RABGAP1L: variants seen among roughly 807,000 people sequenced by gnomAD.
RABGAP1L encodes rab GTPase-activating protein 1-like.
A neutral mutation model predicts 137.7 loss-of-function variants in RABGAP1L; 63 were observed. The observed-to-expected ratio is 0.46, with a 90% CI of 0.37 to 0.56. The LOEUF (loss-of-function observed/expected upper bound fraction) is 0.56, where lower values mean the gene tolerates loss of function less well. Ranked by LOEUF, RABGAP1L falls within the 20% of genes least tolerant of loss-of-function variation. RABGAP1L has a pLI of 0.00. For synonymous variants in RABGAP1L, 431 were observed against 433.7 expected (o/e 0.99, Z 0.08); for missense variants, 1,095 against 1,244.0 (o/e 0.88, Z 1.80).
chr1:174,615,785 G>T (rs921086538), intron 13 of RABGAP1L, among the ~76,000 whole-genome samples: 2 of 152,168 alleles, frequency 1.3e-5, no homozygotes, highest in Non-Finnish European at 2.9e-5. Context: ...GGCAATGGTG[G>T]GCGCCCCTCC....
At chr1:174,242,818 A>G (rs1216766926) in intron 5 of RABGAP1L, among the ~76,000 whole-genome samples, 2 of 152,180 alleles carry the variant, frequency 1.3e-5, no homozygotes, top group African/African-American at 4.8e-5. Context: ...GTGTATACTG[A>G]CTTCTTGTTC....
At chr1:174,812,067 G>A (rs934194992) in intron 19 of RABGAP1L, 107 bp downstream of exon 19, 30 of 1,074,308 alleles carry the variant, frequency 2.8e-5, no homozygotes, top group Non-Finnish European at 3.8e-5. Flanking sequence ...TTATGTTTAA[G>A]ATTAGATTGT....
intron 21 of RABGAP1L, among the ~76,000 whole-genome samples, chr1:174,975,240 A>C (rs1234686556): frequency 6.6e-6 from 1 of 152,230 alleles, no homozygotes; most frequent in African/African-American, 2.4e-5. Flanking sequence ...AATAAATCCC[A>C]TGTGTAAGTT....
chr1:174,488,025 T>G (rs939951729), intron 13 of RABGAP1L, among the ~76,000 whole-genome samples: 1 of 152,294 alleles, frequency 6.6e-6, no homozygotes, highest in African/African-American at 2.4e-5. Flanking sequence ...TTGGCTCATA[T>G]TTTAATCTTT....
intron 13 of RABGAP1L, among the ~76,000 whole-genome samples, chr1:174,623,379 A>G (rs762290897): frequency 3.7e-4 from 56 of 152,218 alleles, no homozygotes; most frequent in Non-Finnish European, 4.6e-4. Context: ...TTGTAAATTC[A>G]GGGAGTTACC....
chr1:174,448,274 A>T lies in RABGAP1L; in HGVS notation c.1710+54129A>T, dbSNP rs911538263. On this transcript the variant is annotated intron_variant, in intron 13 of 25. Coordinates refer to ENST00000681986, the MANE Select transcript of RABGAP1L (RefSeq NM_001366446.1). The surrounding 1 kb of genome is among the most constrained non-coding windows in gnomAD (Gnocchi z 4.2). ...TATTGTGTTGCTGACATTTCTGATC[A>T]TTGCTGGGAATCTAACAGTTATCTT... 5.0e-6 allele frequency: 8 copies of T among 1,613,566 alleles called. No homozygotes were observed. Among genetic ancestry groups the T allele is most frequent in the Non-Finnish European group, 5.9e-6 (7 of 1,179,628 alleles).
chr1:174,664,160 G>T (rs1676585007), intron 14 of RABGAP1L, among the ~76,000 whole-genome samples: 4 of 152,112 alleles, frequency 2.6e-5, no homozygotes, highest in Admixed American at 2.0e-4. Context: ...GGGTTCTCAG[G>T]AGCCTAGCCG....
At chr1:174,877,669 C>T in intron 19 of RABGAP1L, 1 of 1,498,096 alleles carries the variant, frequency 6.7e-7, no homozygotes, top group Admixed American at 1.7e-5. Context: ...TATCTATACT[C>T]CTGTAGCAAC....
chr1:174,837,466 T>G (rs1187080660), intron 19 of RABGAP1L, among the ~76,000 whole-genome samples: 2 of 152,240 alleles, frequency 1.3e-5, no homozygotes, highest in African/African-American at 4.8e-5. Context: ...TGGTAGAGTT[T>G]ATAGTTTTGC....
At chr1:174,435,628 A>T (rs1255390772) in intron 13 of RABGAP1L, among the ~76,000 whole-genome samples, 5 of 151,986 alleles carry the variant, frequency 3.3e-5, no homozygotes, top group African/African-American at 4.8e-5. Flanking sequence ...ATCATTTTGT[A>T]TATTCTTTAT....
intron 14 of RABGAP1L, among the ~76,000 whole-genome samples, chr1:174,649,762 G>T (rs964305337): frequency 3.3e-5 from 5 of 152,102 alleles, no homozygotes; most frequent in Non-Finnish European, 7.3e-5. Context: ...TTCTAGATAT[G>T]CAATGATGTC....
chr1:174,222,969 C>G (rs1370863488), intron 3 of RABGAP1L, among the ~76,000 whole-genome samples: 3 of 151,930 alleles, frequency 2.0e-5, no homozygotes, highest in Non-Finnish European at 4.4e-5. Flanking sequence ...AACCCCGTCT[C>G]TATTAAAAAT....
chr1:174,316,070 G>A (rs912580513), intron 11 of RABGAP1L, among the ~76,000 whole-genome samples: 2 of 152,004 alleles, frequency 1.3e-5, no homozygotes, highest in Non-Finnish European at 2.9e-5. Context: ...CAGCTCCAGC[G>A]TTTCTGCTTA....
At chr1:174,615,834 G>A (rs189204985) in intron 13 of RABGAP1L, among the ~76,000 whole-genome samples, 3 of 152,214 alleles carry the variant, frequency 2.0e-5, no homozygotes, top group Admixed American at 1.3e-4. Flanking sequence ...ATCTCCGACT[G>A]TTGTGCTAGC....
intron 13 of RABGAP1L, among the ~76,000 whole-genome samples, chr1:174,565,777 C>T (rs575673935): frequency 1.3e-5 from 2 of 152,070 alleles, no homozygotes; most frequent in South Asian, 4.2e-4. Context: ...TGTTGTATAA[C>T]ATTGTATTAA....
chr1:174,280,968 C>G (rs113335582), intron 10 of RABGAP1L, among the ~76,000 whole-genome samples: 2 of 151,972 alleles, frequency 1.3e-5, no homozygotes, highest in East Asian at 3.9e-4. Flanking sequence ...AGAGTGAAGC[C>G]GCAGACCTTT....
At chr1:174,600,100 C>G (rs985906271) in intron 13 of RABGAP1L, among the ~76,000 whole-genome samples, 4 of 152,112 alleles carry the variant, frequency 2.6e-5, no homozygotes, top group Admixed American at 6.5e-5. Flanking sequence ...TATATGGCAG[C>G]AGCAAGAGAA....
Position 174,754,497 on chromosome 1 carries a change from G to GT in RABGAP1L, c.2211+2149dup, listed in dbSNP as rs967357566. Among the ~76,000 whole-genome samples the GT allele has an allele frequency of 5.3e-5, 8 of 151,646 alleles. No homozygotes were observed. The East Asian group carries it at 1.4e-3, about 26-fold the overall frequency. On this transcript the variant is annotated intron_variant, in intron 18 of 25. Transcript: ENST00000681986. ...GTTTTTTTTTCTTTTGTTTTGTTTT[G>GT]TTTTTTGCTTTTTGAGACAGGGTCT...
chr1:174,717,283 A>T (rs1214351552), intron 17 of RABGAP1L, among the ~76,000 whole-genome samples: 3 of 152,042 alleles, frequency 2.0e-5, no homozygotes, highest in Non-Finnish European at 4.4e-5. Context: ...TGCTGGGCAC[A>T]ACTGTACTCC....
Sources: gnomAD v4.1 joint callset for allele counts (sites outside exome capture counted in the v4.1 genomes callset) on GRCh38, gnomAD v4.1.1 for gene constraint, Gnocchi (gnomAD v3.1) non-coding constraint, MANE v1.5 for transcripts, NCBI Gene and HGNC (gene_info 2026-07-23, HGNC 2026-07-21) for gene names.